DGKB: variants seen among roughly 807,000 people sequenced by gnomAD.
DGKB encodes the protein 90 kDa diacylglycerol kinase.
A neutral mutation model predicts 114.3 loss-of-function variants in DGKB; 67 were observed. The ratio of observed to expected loss-of-function variants is 0.59; its 90% CI spans 0.48 to 0.72. The LOEUF is 0.72. DGKB is among the 30% of genes least tolerant of loss of function. The probability of loss-of-function intolerance (pLI) is 0.00; values close to 1 mark genes in which losing one functional copy is unlikely to be tolerated. For synonymous variants in DGKB, 398 were observed against 323.1 expected, an observed-to-expected ratio of 1.23 and a Z score of -2.49; for missense variants, 907 against 975.2, an observed-to-expected ratio of 0.93 and a Z score of 0.93.
chr7:14,640,755 A>G (rs1811621894), intron 13 of DGKB, among the ~76,000 whole-genome samples: 1 of 152,204 alleles, frequency 6.6e-6, no homozygotes, highest in Admixed American at 6.5e-5. Context: ...AGAATAAACA[A>G]GCCATATTTA....
chr7:14,850,026 C>T (rs147152320), intron 1 of DGKB, among the ~76,000 whole-genome samples: 9 of 152,182 alleles, frequency 5.9e-5, no homozygotes, highest in East Asian at 1.9e-4. Context: ...CCCCTAAAAA[C>T]AAGTGAAAGA....
intron 23 of DGKB, among the ~76,000 whole-genome samples, chr7:14,183,862 C>T (rs1782995869): frequency 6.6e-6 from 1 of 152,154 alleles, no homozygotes. Context: ...AATTTTAGCT[C>T]AATAGATTGC....
At chr7:14,639,761 G>GT (rs1811397525) in intron 13 of DGKB, among the ~76,000 whole-genome samples, 1 of 152,012 alleles carries the variant, frequency 6.6e-6, no homozygotes, top group African/African-American at 2.4e-5. Flanking sequence ...TTTTGTTTTT[G>GT]TTTTTGTTTT....
intron 23 of DGKB, among the ~76,000 whole-genome samples, chr7:14,286,326 C>T (rs115728646): frequency 0.012 from 1,821 of 152,152 alleles, 38 homozygotes; most frequent in African/African-American, 0.041. Flanking sequence ...ACTGAAGACA[C>T]GCCATATAGC....
chr7:14,158,602 T>C (rs1783395792), intron 25 of DGKB, among the ~76,000 whole-genome samples: 1 of 152,200 alleles, frequency 6.6e-6, no homozygotes, highest in Non-Finnish European at 1.5e-5. Context: ...AACTACATCA[T>C]GGTAATACAA....
upstream of DGKB, among the ~76,000 whole-genome samples, chr7:14,906,418 T>C (rs146099050): frequency 3.9e-3 from 593 of 150,168 alleles, no homozygotes; most frequent in Non-Finnish European, 6.4e-3. Flanking sequence ...TGACATTAGA[T>C]AGAAATCTAT....
chr7:14,576,347 T>C lies in DGKB; in HGVS notation c.1610-1975A>G, dbSNP rs1282935104. ...ACCTTATTTTAAATGTTTAATTAAT[T>C]TCTAATTGTTAATTTCTTTTAAGAA... is the stretch of plus-strand genomic sequence containing the variant. On this transcript the variant is annotated intron_variant, in intron 19 of 25. Coordinates refer to ENST00000402815, the MANE Select transcript of DGKB (RefSeq NM_001350709.2). Among the ~76,000 whole-genome samples, 3 of 151,882 alleles carry C rather than the reference T, an allele frequency of 2.0e-5. No homozygotes were observed. In the East Asian group the frequency reaches 5.8e-4, roughly 29 times the overall value.
At chr7:14,743,490 C>T (rs1258314153) in intron 4 of DGKB, among the ~76,000 whole-genome samples, 2 of 152,120 alleles carry the variant, frequency 1.3e-5, no homozygotes, top group Admixed American at 6.6e-5. Flanking sequence ...AATCAAATTT[C>T]AGCTTCAAGG....
At chr7:14,919,062 G>GCACACACACACACA (rs767285844) in intron 1 of DGKB, among the ~76,000 whole-genome samples, 6 of 118,058 alleles carry the variant, frequency 5.1e-5, no homozygotes, top group African/African-American at 1.7e-4. Flanking sequence ...TCCACCACAC[G>GCACACACACACACA]CACACACACA....
intron 13 of DGKB, among the ~76,000 whole-genome samples, chr7:14,641,775 A>G (rs1256790391): frequency 6.6e-6 from 1 of 151,880 alleles, no homozygotes; most frequent in East Asian, 1.9e-4. Context: ...CATATTTTTA[A>G]GACTTTTTGT....
At chr7:14,585,450 A>G (rs1176134947) in intron 17 of DGKB, among the ~76,000 whole-genome samples, 5 of 152,116 alleles carry the variant, frequency 3.3e-5, no homozygotes, top group African/African-American at 1.2e-4. Flanking sequence ...TCCCACTTAC[A>G]TTGGTACTCA....
rs200168973 is a variant in DGKB, at chr7:14,176,894, C to T, written c.2249G>A (p.Ser750Asn). The T allele has an allele frequency of 2.4e-4, 393 of 1,613,354 alleles. 1 individual carries two copies. In the Middle Eastern group the frequency reaches 2.5e-3, roughly 10 times the overall value. The change falls in exon 25 of 26, where the codon AGC becomes AAC. Residue 750 changes from serine (S) to asparagine (N), a missense_variant. Ser to Asn is a conservative substitution (Grantham distance 46). Coordinates refer to ENST00000402815, the MANE Select transcript of DGKB (RefSeq NM_001350709.2). ...ATCAATTTGCATTGGCAGAGACTTGCTCGTCCTGGGGGAAAATATTTCATT... is the reference window on the plus strand; with the variant it reads ...ATCAATTTGCATTGGCAGAGACTTGTTCGTCCTGGGGGAAAATATTTCATT... ...AQCSCVVIRT[S>N]KSLPMQIDGE...
intron 1 of DGKB, among the ~76,000 whole-genome samples, chr7:14,913,311 T>C (rs1367583455): frequency 6.6e-6 from 1 of 151,992 alleles, no homozygotes; most frequent in Non-Finnish European, 1.5e-5. Context: ...TGCACATGCA[T>C]ACTGAGCAGT....
At chr7:14,920,801 A>G (rs2128247051) in intron 1 of DGKB, among the ~76,000 whole-genome samples, 1 of 152,332 alleles carries the variant, frequency 6.6e-6, no homozygotes, top group Non-Finnish European at 1.5e-5. Context: ...TCTAAAATGA[A>G]ATATTATTTG....
intron 23 of DGKB, among the ~76,000 whole-genome samples, chr7:14,241,340 T>C (rs1793612619): frequency 1.3e-5 from 2 of 152,062 alleles, no homozygotes; most frequent in African/African-American, 2.4e-5. Context: ...TGTAATTCTA[T>C]AAAGGTCAGC....
intron 20 of DGKB, among the ~76,000 whole-genome samples, chr7:14,564,546 T>C (rs563441746): frequency 5.3e-5 from 8 of 152,304 alleles, no homozygotes; most frequent in African/African-American, 1.9e-4. Flanking sequence ...GATGTAGGTC[T>C]TCCTAGTCTG....
intron 4 of DGKB, among the ~76,000 whole-genome samples, chr7:14,746,510 T>C (rs546800328): frequency 5.9e-5 from 9 of 152,312 alleles, no homozygotes; most frequent in African/African-American, 2.2e-4. Flanking sequence ...TTTTTTATTT[T>C]TTTGAGACAA....
chr7:14,227,411 C>T (rs1207991884), intron 23 of DGKB, among the ~76,000 whole-genome samples: 1 of 151,984 alleles, frequency 6.6e-6, no homozygotes, highest in Non-Finnish European at 1.5e-5. Flanking sequence ...CCAGATAAAT[C>T]TATGAGAAAC....
chr7:14,733,284 A>C (rs6957593), intron 5 of DGKB, among the ~76,000 whole-genome samples: 1 of 152,074 alleles, frequency 6.6e-6, no homozygotes, highest in Non-Finnish European at 1.5e-5. Flanking sequence ...GATGATAAAC[A>C]TATTAGTCAC....
Sources: gnomAD v4.1 joint callset for allele counts (sites outside exome capture counted in the v4.1 genomes callset) on GRCh38, gnomAD v4.1.1 for gene constraint, MANE v1.5 for transcripts, NCBI Gene and HGNC (gene_info 2026-07-23, HGNC 2026-07-21) for gene names.